The following KIFC3 variants were observed in gnomAD, a reference collection of about 807,000 sequenced individuals.
The protein encoded by KIFC3 is kinesin family member C3, also known as kinesin-like protein KIFC3.
A neutral mutation model predicts 101.8 loss-of-function variants in KIFC3; 60 were observed. The ratio of observed to expected loss-of-function variants is 0.59; its 90% CI spans 0.48 to 0.73. The LOEUF is 0.73. Ranked by LOEUF, KIFC3 falls within the 30% of genes least tolerant of loss-of-function variation. KIFC3 has a pLI of 0.00. For missense variants in KIFC3, 966 were observed against 1,137.1 expected, an observed-to-expected ratio of 0.85 and a Z score of 2.16; for synonymous variants, 476 against 482.7, an observed-to-expected ratio of 0.99 and a Z score of 0.18.
In KIFC3 at chr16:57,802,372, GCCT is replaced by G; in HGVS notation, c.-45_-43del. Reference sequence around the variant, plus strand: ...GCCCGCCCGGGCCCCCCACTCACCGGCCTGGCGGAGGCAGGATCCAGGCGTCGC... The same window carrying G: ...GCCCGCCCGGGCCCCCCACTCACCGGGGCGGAGGCAGGATCCAGGCGTCGC... On this transcript the variant is annotated 5_prime_UTR_variant, in exon 1 of 20. Transcript: ENST00000445690. This position sits in a 1 kb window ranked among gnomAD's most constrained non-coding sequence, Gnocchi z 5.0. 1.0e-6 allele frequency: 1 copy of G among 983,258 alleles called. No individual in the cohort carries two copies. The highest frequency in any genetic ancestry group is 4.7e-5 in the South Asian group (1 of 21,288). 60.9% of individuals were successfully genotyped at this position (983,258 alleles called of 1,614,324 possible).
chr16:57,824,110 G>A (rs551016244), intron 1 of KIFC3, among the ~76,000 whole-genome samples: 7 of 152,214 alleles, frequency 4.6e-5, no homozygotes, highest in African/African-American at 1.7e-4. Flanking sequence ...GCCTGGGGTT[G>A]TCCTGGTTTT....
intron 1 of KIFC3, among the ~76,000 whole-genome samples, chr16:57,830,261 G>A (rs1400266598): frequency 2.6e-5 from 3 of 114,222 alleles, no homozygotes; most frequent in African/African-American, 9.8e-5. Context: ...TTTTTGAGAT[G>A]GAGTCTTACA....
intron 1 of KIFC3, among the ~76,000 whole-genome samples, chr16:57,857,822 C>CTTTTTTTTTTTTTTTT (rs57102595): frequency 1.1e-5 from 1 of 92,786 alleles, no homozygotes; most frequent in Non-Finnish European, 1.9e-5. Flanking sequence ...TTCTTTCTTT[C>CTTTTTTTTTTTTTTTT]TTTTTTTTTT....
chr16:57,851,512 T>C (rs142478943), intron 1 of KIFC3, among the ~76,000 whole-genome samples: 10 of 152,330 alleles, frequency 6.6e-5, no homozygotes, highest in Non-Finnish European at 1.5e-4. Context: ...TTCAATAGCA[T>C]TTCAAGAGTG....
At chr16:57,847,760 TTGTGTGTGTGTG>T (rs35081728) in intron 1 of KIFC3, among the ~76,000 whole-genome samples, 88 of 139,786 alleles carry the variant, frequency 6.3e-4, no homozygotes, top group Non-Finnish European at 8.2e-4. Flanking sequence ...CCAGATGAAT[TTGTGTGTGTGTG>T]TGTGTGTGTG....
chr16:57,800,681 G>T (rs1169556483), intron 1 of KIFC3, among the ~76,000 whole-genome samples: 2 of 152,214 alleles, frequency 1.3e-5, no homozygotes, highest in East Asian at 3.8e-4. Flanking sequence ...GAGGCAGCCA[G>T]GAAGATATCG....
chr16:57,775,342 G>A (rs2051901937), intron 3 of KIFC3: 3 of 1,140,566 alleles, frequency 2.6e-6, no homozygotes, highest in Non-Finnish European at 3.2e-6. Flanking sequence ...TGACTGAGAC[G>A]CAGCAGACTG....
At chr16:57,844,208 G>A (rs766658073) in intron 1 of KIFC3, among the ~76,000 whole-genome samples, 2 of 151,062 alleles carry the variant, frequency 1.3e-5, no homozygotes, top group Non-Finnish European at 2.9e-5. Flanking sequence ...TGAGACAGGA[G>A]GATCATGAGG....
rs1031261424 is a variant in KIFC3, at chr16:57,801,709, A to C, written c.-40+661T>G. Among the ~76,000 whole-genome samples the C allele has an allele frequency of 3.3e-5, 5 of 152,336 alleles. No individual in the cohort carries two copies. The East Asian group carries it at 9.7e-4, about 29-fold the overall frequency. On this transcript the variant is annotated intron_variant, in intron 1 of 19. Transcript: ENST00000445690. ...GTAAATGGTACTCCAGAATTTAATT[A>C]AACACAGCTTCCTCTTTAATATCTC...
In KIFC3 at chr16:57,772,910, C is replaced by T. The variant is rs909959619; in HGVS notation, c.316-622G>A. 1.8e-4 allele frequency among the ~76,000 whole-genome samples: 28 copies of T among 152,258 alleles called. 1 individual carries two copies. Among genetic ancestry groups the T allele is most frequent in the Admixed American group, 1.2e-3 (18 of 15,296 alleles). ...TCTTATAGGGGGAAGGGGGTGTGCA[C>T]CCCATGAGGAAGCCACGGTTACCTA... On this transcript the variant is annotated intron_variant, in intron 3 of 19. Coordinates refer to ENST00000445690, the MANE Select transcript of KIFC3 (RefSeq NM_001130100.2).
chr16:57,771,667 T>G lies in KIFC3; in HGVS notation c.401A>C (p.Lys134Thr). 1 of 1,612,528 alleles carries G rather than the reference T, an allele frequency of 6.2e-7. No individual in the cohort carries two copies. Among genetic ancestry groups the G allele is most frequent in the Non-Finnish European group, 8.5e-7 (1 of 1,179,678 alleles). ...CTCCACCATCAGCAGGTCCCGGTGC[T>G]TCTCCAAGTCGGTGCCCCCCTGCAG... ...RSELGGTDLE[K>T]HRDLLMVENE... Residue 134 changes from lysine (K) to threonine (T), a missense_variant, in exon 5 of 20, where the codon AAG (lysine) becomes ACG (threonine). This residue lies in a region of KIFC3 where 277 missense variants were observed against 252.5 expected (regional missense o/e 1.10). Coordinates refer to ENST00000445690, the MANE Select transcript of KIFC3 (RefSeq NM_001130100.2).
At chr16:57,813,580 T>G in intron 1 of KIFC3, 6 of 633,116 alleles carry the variant, frequency 9.5e-6, no homozygotes, top group Non-Finnish European at 9.8e-6. Flanking sequence ...AACCACCTTC[T>G]GAGAATCCCA....
At chr16:57,859,949 G>A (rs1171123413) in intron 1 of KIFC3, among the ~76,000 whole-genome samples, 2 of 151,206 alleles carry the variant, frequency 1.3e-5, no homozygotes, top group Non-Finnish European at 2.9e-5. Flanking sequence ...TTGAACCCAG[G>A]AGGCAGAGGT....
At chr16:57,775,976 C>G (rs538130111) in intron 3 of KIFC3, 1 of 985,490 alleles carries the variant, frequency 1.0e-6, no homozygotes, top group Non-Finnish European at 1.2e-6. Flanking sequence ...GCCTGTCTGC[C>G]GGCTTGACAC....
At chr16:57,817,734 T>G (rs1238664097) in intron 1 of KIFC3, among the ~76,000 whole-genome samples, 1 of 152,242 alleles carries the variant, frequency 6.6e-6, no homozygotes, top group Non-Finnish European at 1.5e-5. Context: ...TAAGGTCATA[T>G]TCCCAGGGTT....
At chr16:57,797,703 A>AC in intron 2 of KIFC3, 1 of 1,144,250 alleles carries the variant, frequency 8.7e-7, no homozygotes, top group Non-Finnish European at 1.1e-6. Flanking sequence ...CACTTCACCT[A>AC]CCTTGTTTAC....
At chr16:57,805,303 T>C (rs979649878), upstream of KIFC3, among the ~76,000 whole-genome samples, 3 of 152,112 alleles carry the variant, frequency 2.0e-5, no homozygotes, top group African/African-American at 4.8e-5. Flanking sequence ...AATTTAAGAA[T>C]GTACAATGTC....
At chr16:57,778,413 A>G (rs1337818605) in intron 3 of KIFC3, among the ~76,000 whole-genome samples, 1 of 152,254 alleles carries the variant, frequency 6.6e-6, no homozygotes, top group African/African-American at 2.4e-5. Flanking sequence ...CCAAAAGCAC[A>G]GGCAATAAAA....
At chr16:57,765,739 TC>T in intron 10 of KIFC3, 99 bp from the exon 11 acceptor site, 1 of 1,181,692 alleles carries the variant, frequency 8.5e-7, no homozygotes, top group Non-Finnish European at 1.2e-6. Context: ...GACCTAGGAG[TC>T]CCCTGACTTT....
Sources: allele counts gnomAD v4.1 joint callset (sites outside exome capture counted in the v4.1 genomes callset), GRCh38; gene constraint gnomAD v4.1.1; regional missense constraint gnomAD v4.1.1; non-coding constraint Gnocchi (gnomAD v3.1); transcripts MANE v1.5; gene names NCBI Gene and HGNC (gene_info 2026-07-23, HGNC 2026-07-21).